Variants in PTPRD observed in about 807,000 individuals in gnomAD.
The protein encoded by PTPRD is receptor-type tyrosine-protein phosphatase delta.
In PTPRD, 34 loss-of-function variants were observed where a neutral mutation model predicts 214.5. The observed-to-expected ratio is 0.16, with a 90% CI of 0.12 to 0.21. The LOEUF is 0.21. Among genes scored for constraint, PTPRD ranks in the 10% least tolerant of loss-of-function variants. The pLI, the probability that PTPRD is intolerant of heterozygous loss-of-function variation, is 1.00. For synonymous variants in PTPRD, 1,128 were observed against 845.7 expected (o/e 1.33, Z -5.79); for missense variants, 2,545 against 2,398.7 (o/e 1.06, Z -1.27).
intron 5 of PTPRD, among the ~76,000 whole-genome samples, chr9:9,799,838 C>G (rs2099027421): frequency 6.6e-6 from 1 of 152,112 alleles, no homozygotes; most frequent in African/African-American, 2.4e-5. Flanking sequence ...GGAATCTAGA[C>G]TGAGAGAGAC....
At chr9:9,169,647 A>C (rs2099910773) in intron 10 of PTPRD, among the ~76,000 whole-genome samples, 1 of 152,114 alleles carries the variant, frequency 6.6e-6, no homozygotes, top group Non-Finnish European at 1.5e-5. Context: ...GTTTTTGCCA[A>C]AGTTAAAAGA....
chr9:8,599,651 T>C (rs2094708130), intron 14 of PTPRD, among the ~76,000 whole-genome samples: 1 of 140,582 alleles, frequency 7.1e-6, no homozygotes, highest in Admixed American at 7.5e-5. Context: ...GAAACGGAGT[T>C]TCACTCTTGT....
intron 11 of PTPRD, among the ~76,000 whole-genome samples, chr9:8,895,564 G>A (rs546723638): frequency 1.2e-4 from 18 of 152,230 alleles, no homozygotes; most frequent in African/African-American, 3.9e-4. Context: ...AAATAAAATC[G>A]AGAATAAAAT....
chr9:10,442,738 C>T (rs2098768717), intron 2 of PTPRD, among the ~76,000 whole-genome samples: 2 of 151,386 alleles, frequency 1.3e-5, no homozygotes, highest in Admixed American at 6.6e-5. Context: ...TTTACTTCTG[C>T]TTGTAAAACC....
At chr9:9,186,669 A>T (rs973110187) in intron 9 of PTPRD, among the ~76,000 whole-genome samples, 1 of 151,216 alleles carries the variant, frequency 6.6e-6, no homozygotes, top group Non-Finnish European at 1.5e-5. Context: ...TCTCTCTCAC[A>T]CACACACACA....
intron 11 of PTPRD, among the ~76,000 whole-genome samples, chr9:8,964,970 T>C (rs1038696267): frequency 2.0e-5 from 3 of 152,104 alleles, no homozygotes; most frequent in African/African-American, 7.2e-5. Flanking sequence ...TGACCAAGCA[T>C]GTGGTTGATC....
At chr9:9,419,625 T>G (rs2078065344) in intron 8 of PTPRD, among the ~76,000 whole-genome samples, 1 of 151,764 alleles carries the variant, frequency 6.6e-6, no homozygotes, top group Non-Finnish European at 1.5e-5. Context: ...TTGTTCATGT[T>G]TTTGATATTA....
chr9:8,369,030 A>G (rs1355702811), intron 39 of PTPRD, among the ~76,000 whole-genome samples: 1 of 152,130 alleles, frequency 6.6e-6, no homozygotes, highest in Admixed American at 6.6e-5. Flanking sequence ...TAATTTACAC[A>G]TAAAGATAAA....
At chr9:10,172,165 T>C (rs1452144958) in intron 3 of PTPRD, among the ~76,000 whole-genome samples, 1 of 152,182 alleles carries the variant, frequency 6.6e-6, no homozygotes, top group Non-Finnish European at 1.5e-5. Context: ...TTGGTTCTAG[T>C]GGCAGATTTT....
At chr9:10,196,638 A>T (rs1265311095) in intron 3 of PTPRD, among the ~76,000 whole-genome samples, 1 of 152,186 alleles carries the variant, frequency 6.6e-6, no homozygotes, top group Non-Finnish European at 1.5e-5. Context: ...ATTCATATGA[A>T]AAAAGTGAGA....
intron 11 of PTPRD, among the ~76,000 whole-genome samples, chr9:8,762,528 T>C (rs2154477568): frequency 6.6e-6 from 1 of 152,294 alleles, no homozygotes; most frequent in South Asian, 2.1e-4. Flanking sequence ...TTTGTTTTTC[T>C]AACACTTCTC....
At chr9:9,716,604 G>A (rs1210800613) in intron 7 of PTPRD, among the ~76,000 whole-genome samples, 1 of 152,206 alleles carries the variant, frequency 6.6e-6, no homozygotes, top group African/African-American at 2.4e-5. Context: ...CTGATGGCCA[G>A]TGATGGTGAG....
At chr9:10,360,885 G>A (rs1447536395) in intron 2 of PTPRD, among the ~76,000 whole-genome samples, 2 of 152,082 alleles carry the variant, frequency 1.3e-5, no homozygotes, top group Admixed American at 1.3e-4. Flanking sequence ...GGCAGATCGC[G>A]AGGTCAGGAG....
intron 14 of PTPRD, among the ~76,000 whole-genome samples, chr9:8,571,648 C>T (rs2091185745): frequency 6.6e-6 from 1 of 152,034 alleles, no homozygotes; most frequent in African/African-American, 2.4e-5. Context: ...TCCTAAATAC[C>T]TCACTTTCAG....
At chr9:9,587,794 G>C (rs1456188713) in intron 7 of PTPRD, among the ~76,000 whole-genome samples, 2 of 151,906 alleles carry the variant, frequency 1.3e-5, no homozygotes, top group Non-Finnish European at 2.9e-5. Flanking sequence ...ATATGTGGGA[G>C]CTAAACAAAT....
intron 11 of PTPRD, among the ~76,000 whole-genome samples, chr9:8,820,885 A>G (rs918962015): frequency 3.3e-5 from 5 of 152,168 alleles, no homozygotes; most frequent in African/African-American, 1.2e-4. Flanking sequence ...ACGACAAGTC[A>G]AGGAGTCTAC....
intron 4 of PTPRD, among the ~76,000 whole-genome samples, chr9:10,027,271 G>A (rs10809017): frequency 0.094 from 14,258 of 152,070 alleles, 762 homozygotes; most frequent in East Asian, 0.14. Flanking sequence ...TGAATAAATG[G>A]GAACTTTTCA....
At chr9:8,935,169 T>G (rs2098988301) in intron 11 of PTPRD, among the ~76,000 whole-genome samples, 1 of 152,182 alleles carries the variant, frequency 6.6e-6, no homozygotes, top group Non-Finnish European at 1.5e-5. Context: ...AAATTGCCTC[T>G]GTTTGCATAT....
At chr9:9,686,905 A>G (rs947109321) in intron 7 of PTPRD, among the ~76,000 whole-genome samples, 9 of 151,732 alleles carry the variant, frequency 5.9e-5, no homozygotes, top group African/African-American at 1.9e-4. Context: ...ACTTCTTCCA[A>G]TATGTCTGGC....
Sources: gnomAD v4.1 joint callset for allele counts (sites outside exome capture counted in the v4.1 genomes callset) on GRCh38, gnomAD v4.1.1 for gene constraint, MANE v1.5 for transcripts, NCBI Gene and HGNC (gene_info 2026-07-23, HGNC 2026-07-21) for gene names.